The following EGFLAM variants were observed in gnomAD, a reference collection of about 807,000 sequenced individuals.
The protein encoded by EGFLAM is EGF like, fibronectin type III and laminin G domains, also known as pikachurin.
In EGFLAM, 79 loss-of-function variants were observed where a neutral mutation model predicts 113.1. The ratio of observed to expected loss-of-function variants is 0.70; its 90% CI spans 0.58 to 0.84. The LOEUF (loss-of-function observed/expected upper bound fraction) is 0.84, where lower values mean the gene tolerates loss of function less well. EGFLAM is among the 40% of genes least tolerant of loss of function. The pLI is 0.00. For synonymous variants in EGFLAM, 504 were observed against 487.6 expected (o/e 1.03, Z -0.44); for missense variants, 1,265 against 1,291.6 (o/e 0.98, Z 0.32).
chr5:38,300,245 G>A (rs1165169378), intron 1 of EGFLAM, among the ~76,000 whole-genome samples: 2 of 152,174 alleles, frequency 1.3e-5, no homozygotes, highest in Non-Finnish European at 2.9e-5. Flanking sequence ...CTGCACCACC[G>A]GGTCAAATCA....
intron 5 of EGFLAM, among the ~76,000 whole-genome samples, chr5:38,359,665 A>C (rs912205810): frequency 1.3e-5 from 2 of 152,064 alleles, no homozygotes; most frequent in Admixed American, 1.3e-4. Flanking sequence ...ACAGAGTGAG[A>C]CTCTCTCAAA....
At chr5:38,261,785 G>GT (rs143340716) in intron 1 of EGFLAM, among the ~76,000 whole-genome samples, 2,171 of 152,288 alleles carry the variant, frequency 0.014, 45 homozygotes, top group African/African-American at 0.049. Flanking sequence ...GGAAGCTACT[G>GT]TCTACTGGCC....
At chr5:38,461,041 A>T (rs1302094402) in intron 20 of EGFLAM, 3 of 152,232 alleles carry the variant, frequency 2.0e-5, no homozygotes, top group Non-Finnish European at 4.4e-5. Flanking sequence ...TAAAAATGAT[A>T]ATGATATTGA....
At chr5:38,315,568 G>C (rs1738571535) in intron 1 of EGFLAM, among the ~76,000 whole-genome samples, 1 of 152,180 alleles carries the variant, frequency 6.6e-6, no homozygotes, top group South Asian at 2.1e-4. Flanking sequence ...TAGATGTTCT[G>C]AAATTAGAAG....
intron 6 of EGFLAM, among the ~76,000 whole-genome samples, chr5:38,390,454 G>A (rs1274509442): frequency 6.6e-6 from 1 of 152,126 alleles, no homozygotes; most frequent in African/African-American, 2.4e-5. Context: ...ATATTACAAT[G>A]AACAGTCTTG....
intron 6 of EGFLAM, among the ~76,000 whole-genome samples, chr5:38,391,837 C>T (rs185392019): frequency 1.3e-4 from 20 of 151,870 alleles, no homozygotes; most frequent in Middle Eastern, 3.4e-3. Context: ...ACTGCAGTGG[C>T]GCAACCTTGG....
chr5:38,359,557 C>T (rs1280289055), intron 5 of EGFLAM, among the ~76,000 whole-genome samples: 2 of 152,150 alleles, frequency 1.3e-5, no homozygotes, highest in Non-Finnish European at 2.9e-5. Context: ...CACCTGTAAT[C>T]CCAGCTACTT....
rs1344430491 is a variant in EGFLAM at position 38,422,370 on chromosome 5, C to T, written c.1685-2597C>T. Among the ~76,000 whole-genome samples the T allele has an allele frequency of 2.6e-5, 4 of 152,190 alleles. No individual in the cohort carries two copies. In the East Asian group the frequency reaches 5.8e-4, roughly 22 times the overall value. On this transcript the variant is annotated intron_variant, in intron 12 of 21. Coordinates refer to ENST00000322350, the MANE Select transcript of EGFLAM (RefSeq NM_152403.4). The stretch of plus-strand genomic sequence containing the variant: ...CCTAAAATGAACCTATTCAGCTACA[C>T]TCTGCACTCACCCTTCCTGGCTGCC...
At chr5:38,305,761 A>G (rs1208494769) in intron 1 of EGFLAM, 1 of 180,344 alleles carries the variant, frequency 5.5e-6, no homozygotes, top group Admixed American at 6.0e-5. Context: ...TAGGAAGATT[A>G]GAACACTGGA....
chr5:38,459,626 T>C lies in EGFLAM; in HGVS notation c.2771+1232T>C, dbSNP rs560226489. Among the ~76,000 whole-genome samples, 5 of 152,312 alleles carry C rather than the reference T, an allele frequency of 3.3e-5. No individual in the cohort carries two copies. In the East Asian group the frequency reaches 9.7e-4, roughly 29 times the overall value. On this transcript the variant is annotated intron_variant, in intron 20 of 21. Transcript: ENST00000322350. Reference sequence around the variant, plus strand: ...TTCCCTGAGAATTTATCATAACCCTTTCTGGGGAAGCCAGTGGGTAAAGTC... The same window carrying C: ...TTCCCTGAGAATTTATCATAACCCTCTCTGGGGAAGCCAGTGGGTAAAGTC...
intron 6 of EGFLAM, among the ~76,000 whole-genome samples, chr5:38,396,816 A>T (rs1395946848): frequency 6.6e-6 from 1 of 152,194 alleles, no homozygotes; most frequent in East Asian, 1.9e-4. Context: ...CGCTTCTCCC[A>T]TTATGCTTTG....
At chr5:38,347,820 A>T (rs932216703) in intron 3 of EGFLAM, among the ~76,000 whole-genome samples, 3 of 152,172 alleles carry the variant, frequency 2.0e-5, no homozygotes, top group Non-Finnish European at 4.4e-5. Flanking sequence ...AGCACTGTGG[A>T]GTCCAGACTG....
At chr5:38,266,489 A>T (rs1471039598) in intron 1 of EGFLAM, among the ~76,000 whole-genome samples, 1 of 152,250 alleles carries the variant, frequency 6.6e-6, no homozygotes, top group Non-Finnish European at 1.5e-5. Context: ...TTTAATCTGG[A>T]CAAGGAAGAA....
chr5:38,445,643 A>T (rs1170692159), intron 17 of EGFLAM: 3 of 1,598,164 alleles, frequency 1.9e-6, no homozygotes, highest in Non-Finnish European at 2.5e-6. Flanking sequence ...TGAAAGGCTG[A>T]CTCTCCCTGT....
intron 10 of EGFLAM, 120 bp downstream of exon 10, chr5:38,409,224 G>T (rs1003171860): frequency 1.3e-6 from 1 of 791,724 alleles, no homozygotes; most frequent in Non-Finnish European, 2.0e-6. Flanking sequence ...AGAATGGTTT[G>T]TATAAAATGA....
In EGFLAM at chr5:38,445,701, T is replaced by C. The variant is rs1561098379; in HGVS notation, c.2465-2600T>C. On this transcript the variant is annotated intron_variant, in intron 17 of 21. Transcript: ENST00000322350. ...CAGAGTGTGGGAACTACTGCCTCAA[T>C]AGTAAGTACAGTAAGTCCTGTGAGA... 3.1e-6 allele frequency: 5 copies of C among 1,598,368 alleles called. No individual in the cohort carries two copies. In the Admixed American group the frequency reaches 5.0e-5, roughly 16 times the overall value.
intron 12 of EGFLAM, among the ~76,000 whole-genome samples, chr5:38,419,148 A>G (rs1465439617): frequency 2.0e-5 from 3 of 152,132 alleles, no homozygotes; most frequent in Non-Finnish European, 2.9e-5. Context: ...ATATCATCCT[A>G]TAAGGACACC....
chr5:38,290,955 GT>G (rs1758313158), intron 1 of EGFLAM: 1 of 152,318 alleles, frequency 6.6e-6, no homozygotes, highest in African/African-American at 2.4e-5. Flanking sequence ...GGTGGCGGCA[GT>G]CGCCTGTAAT....
Position 38,273,699 on chromosome 5 carries a change from A to G in EGFLAM, c.97+14848A>G, listed in dbSNP as rs566798884. Among the ~76,000 whole-genome samples, 415 of 152,360 alleles carry G rather than the reference A, an allele frequency of 2.7e-3. 1 individual carries two copies. Among genetic ancestry groups the G allele is most frequent in the Non-Finnish European group, 5.0e-3 (342 of 68,032 alleles). On this transcript the variant is annotated intron_variant, in intron 1 of 21. Coordinates refer to ENST00000322350, the MANE Select transcript of EGFLAM (RefSeq NM_152403.4). ...GGACCACACCCTGACAACCTGCCCA[A>G]AATCTCTAGATAGGCTTACTATTGA...
Sources: allele counts gnomAD v4.1 joint callset (sites outside exome capture counted in the v4.1 genomes callset), GRCh38; gene constraint gnomAD v4.1.1; transcripts MANE v1.5; gene names NCBI Gene and HGNC (gene_info 2026-07-23, HGNC 2026-07-21).